The following ATF6 variants were observed in gnomAD, a reference collection of about 807,000 sequenced individuals.
ATF6 encodes activating transcription factor 6.
In ATF6, 53 loss-of-function variants were observed where a neutral mutation model predicts 83.6. The observed-to-expected ratio is 0.63, with a 90% CI of 0.51 to 0.80. The LOEUF (loss-of-function observed/expected upper bound fraction) is 0.80, where lower values mean the gene tolerates loss of function less well. Ranked by LOEUF, ATF6 falls within the 30% of genes least tolerant of loss-of-function variation. ATF6 has a pLI of 0.00. For missense variants in ATF6, 744 were observed against 797.9 expected (o/e 0.93, Z 0.81); for synonymous variants, 288 against 285.8 (o/e 1.01, Z -0.08).
intron 6 of ATF6, among the ~76,000 whole-genome samples, chr1:161,793,353 C>G (rs745422463): frequency 6.6e-6 from 1 of 152,142 alleles, no homozygotes; most frequent in Non-Finnish European, 1.5e-5. Context: ...AAACAAAAAC[C>G]AGTTTGAAAT....
intron 7 of ATF6, among the ~76,000 whole-genome samples, chr1:161,808,260 C>T (rs1317872857): frequency 1.3e-5 from 2 of 152,142 alleles, no homozygotes; most frequent in African/African-American, 4.8e-5. Flanking sequence ...AAATACTTCT[C>T]TCTCCTTTCT....
chr1:161,802,801 A>G (rs1294069458), intron 7 of ATF6, among the ~76,000 whole-genome samples: 4 of 152,172 alleles, frequency 2.6e-5, no homozygotes, highest in Non-Finnish European at 4.4e-5. Flanking sequence ...CCATTTTTGC[A>G]AACCTTTAAA....
intron 14 of ATF6, among the ~76,000 whole-genome samples, chr1:161,880,986 T>C (rs1309199258): frequency 6.6e-6 from 1 of 152,158 alleles, no homozygotes; most frequent in East Asian, 1.9e-4. Context: ...TAATTTGCAT[T>C]TCCCTAATAA....
chr1:161,874,203 G>T (rs1283057571), intron 14 of ATF6, among the ~76,000 whole-genome samples: 1 of 151,448 alleles, frequency 6.6e-6, no homozygotes, highest in African/African-American at 2.4e-5. Flanking sequence ...TTTCAGTTAG[G>T]GTGTTAAACA....
chr1:161,881,748 A>AGT (rs930966783), intron 14 of ATF6, among the ~76,000 whole-genome samples: 1 of 152,066 alleles, frequency 6.6e-6, no homozygotes, highest in Non-Finnish European at 1.5e-5. Flanking sequence ...TTTCCTTTTT[A>AGT]GTGTTTTTCA....
At position 161,960,646 on chromosome 1, in the gene ATF6, T is replaced by C. The variant is rs1038025592; in HGVS notation, c.*1992T>C. ...AAAAGTGCTAATTAACCTTCCTCTT[T>C]TTCCACATTACAAACCTTTTTAAGC... On this transcript the variant is annotated 3_prime_UTR_variant, in exon 16 of 16. Transcript: ENST00000367942. The C allele has an allele frequency of 3.3e-5, 5 of 152,220 alleles. No individual in the cohort carries two copies. Among genetic ancestry groups the C allele is most frequent in the Non-Finnish European group, 7.3e-5 (5 of 68,050 alleles). The allele number at this position is 152,220 out of a possible 1,614,324, so 9.4% of individuals were successfully genotyped here. A position where few individuals can be genotyped will look rare whatever the true frequency, so the allele number is the denominator to read the frequency against.
chr1:161,834,986 G>T (rs1206664848), intron 9 of ATF6, among the ~76,000 whole-genome samples: 1 of 152,162 alleles, frequency 6.6e-6, no homozygotes, highest in African/African-American at 2.4e-5. Flanking sequence ...AGCTCCTGAT[G>T]GGATGCACTG....
chr1:161,766,998 G>A (rs989286627), intron 1 of ATF6, among the ~76,000 whole-genome samples: 1 of 152,144 alleles, frequency 6.6e-6, no homozygotes, highest in Non-Finnish European at 1.5e-5. Context: ...GTGTAATCCT[G>A]ACTGCTCTCC....
At chr1:161,829,159 CTT>C (rs2101796698) in intron 9 of ATF6, among the ~76,000 whole-genome samples, 2 of 146,634 alleles carry the variant, frequency 1.4e-5, no homozygotes, top group South Asian at 4.4e-4. Context: ...TACAAAGAGA[CTT>C]AGACTCCCAC....
intron 14 of ATF6, among the ~76,000 whole-genome samples, chr1:161,870,495 C>T (rs2101847588): frequency 6.6e-6 from 1 of 151,784 alleles, no homozygotes; most frequent in Non-Finnish European, 1.5e-5. Context: ...TATTCTAGAG[C>T]TTCTCATAGA....
chr1:161,782,038 C>G (rs764783403), intron 3 of ATF6, 39 bp downstream of exon 3: 3 of 1,420,740 alleles, frequency 2.1e-6, no homozygotes, highest in Non-Finnish European at 2.9e-6. Flanking sequence ...TTAAAAAGAT[C>G]AATTTTATTT....
At chr1:161,909,910 C>T (rs1326180969) in intron 14 of ATF6, among the ~76,000 whole-genome samples, 1 of 152,034 alleles carries the variant, frequency 6.6e-6, no homozygotes, top group Non-Finnish European at 1.5e-5. Context: ...GAATGGAGAT[C>T]GTGCCACTGC....
intron 14 of ATF6, among the ~76,000 whole-genome samples, chr1:161,892,645 T>A (rs897609908): frequency 5.3e-5 from 8 of 150,304 alleles, no homozygotes; most frequent in Admixed American, 2.7e-4. Flanking sequence ...TTTTTTTTTT[T>A]TTGAGATGGA....
intron 9 of ATF6, among the ~76,000 whole-genome samples, chr1:161,840,771 A>G (rs1381569500): frequency 1.3e-5 from 2 of 152,148 alleles, no homozygotes; most frequent in Admixed American, 6.6e-5. Flanking sequence ...AATGGCCCAT[A>G]ATGTGAGCAA....
chr1:161,847,955 T>C (rs1031891477), intron 10 of ATF6, among the ~76,000 whole-genome samples: 1 of 152,126 alleles, frequency 6.6e-6, no homozygotes, highest in Non-Finnish European at 1.5e-5. Context: ...CCAGAAAGCA[T>C]AGTAGTCTGA....
intron 15 of ATF6, among the ~76,000 whole-genome samples, chr1:161,923,761 AGGATATT>A (rs1326752953): frequency 6.6e-6 from 1 of 152,194 alleles, no homozygotes; most frequent in Non-Finnish European, 1.5e-5. Flanking sequence ...TGATCCTTCT[AGGATATT>A]AGTTACTTCT....
At chr1:161,941,980 G>A (rs1029003755) in intron 15 of ATF6, among the ~76,000 whole-genome samples, 1 of 151,608 alleles carries the variant, frequency 6.6e-6, no homozygotes, top group African/African-American at 2.4e-5. Flanking sequence ...TTTCGGCGGG[G>A]TGGGGGGGTT....
intron 14 of ATF6, among the ~76,000 whole-genome samples, chr1:161,887,178 TCTC>T (rs1687441382): frequency 6.6e-6 from 1 of 151,800 alleles, no homozygotes; most frequent in South Asian, 2.1e-4. Context: ...TTCAATCTGT[TCTC>T]CTGCCTAAGC....
chr1:161,879,114 G>A (rs924777), intron 14 of ATF6, among the ~76,000 whole-genome samples: 137,293 of 152,146 alleles, frequency 0.9, 62,100 homozygotes, highest in African/African-American at 0.96. Flanking sequence ...TTATGGTAGA[G>A]GCAAGATGAG....
Sources: gnomAD v4.1 joint callset for allele counts (sites outside exome capture counted in the v4.1 genomes callset) on GRCh38, gnomAD v4.1.1 for gene constraint, MANE v1.5 for transcripts, NCBI Gene and HGNC (gene_info 2026-07-23, HGNC 2026-07-21) for gene names.